The following FBLN7 variants were observed in gnomAD, a reference collection of about 807,000 sequenced individuals.
The protein encoded by FBLN7 is fibulin 7, also known as fibulin-7.
FBLN7 carries 31 observed loss-of-function variants against 44.0 expected under a neutral mutation model. The observed-to-expected ratio is 0.70, with a 90% CI of 0.53 to 0.95. FBLN7 has a LOEUF of 0.95. FBLN7 is among the 40% of genes least tolerant of loss of function. FBLN7 has a pLI of 0.00. For missense variants in FBLN7, 573 were observed against 618.5 expected (o/e 0.93, Z 0.78); for synonymous variants, 262 against 253.4 (o/e 1.03, Z -0.32).
the FBLN7 span, chr2:112,211,862 T>C: frequency 1.3e-5 from 2 of 152,172 alleles, no homozygotes; most frequent in African/African-American, 2.4e-5. Flanking sequence ...TTAAGATGAG[T>C]TGGGCATCTT....
At chr2:112,167,890 G>GTTATGTTATGTTATGTTATGTTATC (rs774456183) in intron 3 of FBLN7, among the ~76,000 whole-genome samples, 117 of 151,560 alleles carry the variant, frequency 7.7e-4, no homozygotes, top group African/African-American at 2.7e-3. Context: ...GTTATGTTAT[G>GTTATGTTATGTTATGTTATGTTATC]TTATGTTATG....
At chr2:112,192,792 T>C (rs929979042), downstream of FBLN7, among the ~76,000 whole-genome samples, 4 of 152,222 alleles carry the variant, frequency 2.6e-5, no homozygotes, top group African/African-American at 9.6e-5. Context: ...TCTTAGCTTG[T>C]ACATATGAAA....
chr2:112,156,155 A>AGTT (rs1681410781), intron 1 of FBLN7, among the ~76,000 whole-genome samples: 1 of 152,114 alleles, frequency 6.6e-6, no homozygotes, highest in Non-Finnish European at 1.5e-5. Context: ...GGAGTGAGAA[A>AGTT]TCTACTGTGG....
At chr2:112,171,921 G>A (rs1283501500) in intron 3 of FBLN7, among the ~76,000 whole-genome samples, 1 of 152,064 alleles carries the variant, frequency 6.6e-6, no homozygotes, top group Non-Finnish European at 1.5e-5. Context: ...TAATTTTTTT[G>A]TATTTTTAGT....
the FBLN7 span, among the ~76,000 whole-genome samples, chr2:112,225,837 T>C: frequency 6.6e-6 from 1 of 151,736 alleles, no homozygotes; most frequent in South Asian, 2.1e-4. Context: ...ATCCCAGCAC[T>C]TCGGGAGGCC....
chr2:112,238,675 C>A, the FBLN7 span: 1 of 497,086 alleles, frequency 2.0e-6, no homozygotes, highest in Non-Finnish European at 3.3e-6. Context: ...TCTCTCCACT[C>A]ATATATTTGA....
At chr2:112,239,892 A>G in the FBLN7 span, among the ~76,000 whole-genome samples, 1 of 152,130 alleles carries the variant, frequency 6.6e-6, no homozygotes, top group African/African-American at 2.4e-5. Context: ...GCAACAGTTT[A>G]CTTCTGATGG....
Position 112,187,272 on chromosome 2 carries a change from C to T in FBLN7, c.1086C>T (p.Ala362=). 9 of 1,614,188 alleles carry T rather than the reference C, an allele frequency of 5.6e-6. No individual in the cohort carries two copies. Among genetic ancestry groups the T allele is most frequent in the South Asian group, 4.4e-5 (4 of 91,086 alleles). The change falls in exon 8 of 8, where the codon GCC becomes GCT. Residue 362 remains alanine (A), a synonymous_variant. Coordinates refer to ENST00000331203, the MANE Select transcript of FBLN7 (RefSeq NM_153214.3). This position sits in a 1 kb window ranked among gnomAD's most constrained non-coding sequence, Gnocchi z 5.1. The part of the protein sequence containing the change: ...ITLFRMATAS[A]PGRAGPNSLR... ...TCTTCCGCATGGCCACAGCCTCTGC[C>T]CCCGGCCGAGCTGGGCCCAACAGCC...
chr2:112,162,733 A>T (rs183292566), intron 2 of FBLN7, among the ~76,000 whole-genome samples: 1 of 152,238 alleles, frequency 6.6e-6, no homozygotes, highest in East Asian at 1.9e-4. Context: ...AATCCACTCC[A>T]TTCACATTTA....
At chr2:112,181,967 C>T (rs749971374) in intron 5 of FBLN7, 91 bp downstream of exon 5, 5 of 1,437,162 alleles carry the variant, frequency 3.5e-6, no homozygotes, top group African/African-American at 1.5e-5. Context: ...CCTGCCGGCA[C>T]GGGTGGCTTC....
intron 2 of FBLN7, among the ~76,000 whole-genome samples, chr2:112,160,749 C>A (rs1392252062): frequency 2.3e-5 from 2 of 88,502 alleles, no homozygotes; most frequent in East Asian, 4.5e-4. Flanking sequence ...CACACACGCG[C>A]ACGCACACAC....
intron 1 of FBLN7, among the ~76,000 whole-genome samples, chr2:112,142,454 C>T (rs1250462634): frequency 2.0e-5 from 3 of 152,244 alleles, no homozygotes; most frequent in Middle Eastern, 3.4e-3. Flanking sequence ...CAGTGTGAGC[C>T]CTGGGACTCC....
chr2:112,145,537 C>T (rs1410266202), intron 1 of FBLN7, among the ~76,000 whole-genome samples: 1 of 152,098 alleles, frequency 6.6e-6, no homozygotes, highest in African/African-American at 2.4e-5. Context: ...ATGACTTTTG[C>T]AGATCAAAAT....
At chr2:112,169,277 GAAAAACAAACAAAC>G (rs1217881073) in intron 3 of FBLN7, among the ~76,000 whole-genome samples, 3 of 152,040 alleles carry the variant, frequency 2.0e-5, no homozygotes, top group African/African-American at 4.8e-5. Flanking sequence ...CGTCTCGGGA[GAAAAACAAACAAAC>G]AAAAACAAAC....
chr2:112,180,887 C>T (rs1183510667), intron 4 of FBLN7, among the ~76,000 whole-genome samples: 1 of 131,836 alleles, frequency 7.6e-6, no homozygotes, highest in Admixed American at 8.8e-5. Context: ...CGTGCCACTG[C>T]ACTCCAGCCT....
intron 1 of FBLN7, among the ~76,000 whole-genome samples, chr2:112,140,419 G>C (rs930104508): frequency 6.6e-6 from 1 of 152,152 alleles, no homozygotes; most frequent in African/African-American, 2.4e-5. Flanking sequence ...CTTTCCACTC[G>C]GATGCCTGGG....
At chr2:112,177,950 G>A (rs13387246) in intron 4 of FBLN7, 20,605 of 151,916 alleles carry the variant, frequency 0.14, 1,635 homozygotes, top group East Asian at 0.34. Flanking sequence ...ATCATTTGAG[G>A]TTGGGAGTTT....
the FBLN7 span, chr2:112,211,868 A>C: frequency 6.6e-6 from 1 of 152,216 alleles, no homozygotes; most frequent in Admixed American, 6.5e-5. Context: ...TGAGTTGGGC[A>C]TCTTGTCCCT....
intron 2 of FBLN7, among the ~76,000 whole-genome samples, chr2:112,160,793 C>G (rs1200288687): frequency 7.1e-6 from 1 of 140,664 alleles, no homozygotes; most frequent in African/African-American, 2.7e-5. Flanking sequence ...CACGCACACG[C>G]ACACACGCAC....
Sources: gnomAD v4.1 joint callset for allele counts (sites outside exome capture counted in the v4.1 genomes callset) on GRCh38, gnomAD v4.1.1 for gene constraint, Gnocchi (gnomAD v3.1) non-coding constraint, MANE v1.5 for transcripts, NCBI Gene and HGNC (gene_info 2026-07-23, HGNC 2026-07-21) for gene names.